RANBP2: variants seen among roughly 807,000 people sequenced by gnomAD.
RANBP2 encodes the protein RAN binding protein 2.
Under a neutral mutation model 303.6 loss-of-function variants are expected in RANBP2, and 57 were observed. That is an observed-to-expected ratio of 0.19 (90% CI 0.15 to 0.23). The LOEUF is 0.23. Among genes scored for constraint, RANBP2 ranks in the 10% least tolerant of loss-of-function variants. The pLI, the probability that RANBP2 is intolerant of heterozygous loss-of-function variation, is 1.00. For missense variants in RANBP2, 3,138 were observed against 3,780.8 expected (o/e 0.83, Z 4.46); for synonymous variants, 1,167 against 1,301.5 (o/e 0.90, Z 2.23).
the RANBP2 span, among the ~76,000 whole-genome samples, chr2:109,125,879 C>T: frequency 1.3e-5 from 2 of 152,260 alleles, no homozygotes; most frequent in African/African-American, 2.4e-5. Flanking sequence ...TTGGCTACTT[C>T]AACCAGAAAT....
chr2:108,912,886 G>T, the RANBP2 span: 1 of 776,914 alleles, frequency 1.3e-6, no homozygotes, highest in South Asian at 1.5e-5. Context: ...ATGGCTGAGG[G>T]GAGCTAAATA....
chr2:109,447,471 A>T, the RANBP2 span, among the ~76,000 whole-genome samples: 8 of 152,216 alleles, frequency 5.3e-5, no homozygotes, highest in Admixed American at 5.2e-4. Context: ...CTCTGAAGCC[A>T]TGAATGCCAC....
the RANBP2 span, chr2:108,791,644 A>G: frequency 1.9e-6 from 3 of 1,595,906 alleles, no homozygotes; most frequent in African/African-American, 1.3e-5. Context: ...GTAAACTTCT[A>G]GATTGCTGTG....
chr2:109,113,161 T>C, the RANBP2 span, among the ~76,000 whole-genome samples: 1 of 152,038 alleles, frequency 6.6e-6, no homozygotes, highest in Non-Finnish European at 1.5e-5. Context: ...TTTTTTCCGA[T>C]TCTGTGAAGA....
chr2:108,905,950 C>T, the RANBP2 span, among the ~76,000 whole-genome samples: 742 of 146,516 alleles, frequency 5.1e-3, 7 homozygotes, highest in South Asian at 0.022. Context: ...TGACTGATCA[C>T]GTTTCCCAGA....
the RANBP2 span, among the ~76,000 whole-genome samples, chr2:109,355,208 C>T: frequency 2.0e-5 from 3 of 152,208 alleles, no homozygotes; most frequent in Non-Finnish European, 4.4e-5. Context: ...GACATGAAAC[C>T]TGTAAACGAA....
rs768014567 is a variant in RANBP2 at position 108,731,430 on chromosome 2, G to A, written c.361G>A (p.Ala121Thr). 2 of 1,611,484 alleles carry A rather than the reference G, an allele frequency of 1.2e-6. No homozygotes were observed. Among genetic ancestry groups the A allele is most frequent in the Admixed American group, 1.7e-5 (1 of 60,010 alleles). The stretch of plus-strand genomic sequence containing the variant: ...AAGAGCAAAATACTGGCTTGAAAGA[G>A]CAGCCAAACTTTTCCCAGGAAGTCC... ...DGRAKYWLER[A>T]AKLFPGSPAI... The change falls in exon 4 of 29, where the codon GCA becomes ACA. Residue 121 changes from alanine (A) to threonine (T), a missense_variant. Transcript: ENST00000283195.
the RANBP2 span, among the ~76,000 whole-genome samples, chr2:109,349,691 CAGG>C: frequency 2.0e-5 from 3 of 152,232 alleles, no homozygotes; most frequent in Non-Finnish European, 4.4e-5. Context: ...AGGGGCCTCA[CAGG>C]AGGAGGCTCT....
At chr2:108,919,653 T>C in the RANBP2 span, among the ~76,000 whole-genome samples, 18,695 of 152,214 alleles carry the variant, frequency 0.12, 1,712 homozygotes, top group African/African-American at 0.26. Context: ...CCACTGCGCC[T>C]GGCCCTGACT....
At chr2:109,514,067 C>T in the RANBP2 span, among the ~76,000 whole-genome samples, 2 of 152,186 alleles carry the variant, frequency 1.3e-5, no homozygotes, top group African/African-American at 2.4e-5. Flanking sequence ...TTAATGTGGG[C>T]ATGTTCCCAC....
chr2:109,707,690 C>T, the RANBP2 span, among the ~76,000 whole-genome samples: 1 of 152,192 alleles, frequency 6.6e-6, no homozygotes, highest in South Asian at 2.1e-4. Flanking sequence ...GGGTCAGCGC[C>T]CATGCCGGGC....
At chr2:108,876,127 G>A in the RANBP2 span, 1 of 1,605,730 alleles carries the variant, frequency 6.2e-7, no homozygotes, top group African/African-American at 1.3e-5. Context: ...CGATTCATCT[G>A]ATGCTTCAAG....
the RANBP2 span, among the ~76,000 whole-genome samples, chr2:108,947,770 G>A: frequency 4.6e-5 from 7 of 152,284 alleles, no homozygotes; most frequent in East Asian, 1.9e-4. Flanking sequence ...CCAGGCCTCC[G>A]GGTCTGTGGT....
the RANBP2 span, among the ~76,000 whole-genome samples, chr2:109,030,370 G>T: frequency 6.6e-6 from 1 of 152,166 alleles, no homozygotes; most frequent in African/African-American, 2.4e-5. Context: ...TGAATTTCAC[G>T]TAAGTAAAGC....
At chr2:109,531,962 G>A in the RANBP2 span, among the ~76,000 whole-genome samples, 1 of 152,240 alleles carries the variant, frequency 6.6e-6, no homozygotes, top group African/African-American at 2.4e-5. Flanking sequence ...TTTTCAGGGT[G>A]ACAGATTCTT....
Position 108,755,260 on chromosome 2 carries a change from G to T in RANBP2, c.2466+1G>T, listed in dbSNP as rs1178109382. The stretch of plus-strand genomic sequence containing the variant: ...TTGCCAACAAGTAGAGGCCATTAAG[G>T]TAAGTCACTTAATTTCTCTAGCTGT... On this transcript the variant is annotated splice_donor_variant, in intron 17 of 28. Transcript: ENST00000283195. LOFTEE classifies it high-confidence loss of function. The T allele has an allele frequency of 6.2e-7, 1 of 1,611,724 alleles. No individual in the cohort carries two copies. Among genetic ancestry groups the T allele is most frequent in the East Asian group, 2.2e-5 (1 of 44,860 alleles).
At chr2:108,720,050 C>G in intron 1 of RANBP2, 1 of 984,848 alleles carries the variant, frequency 1.0e-6, no homozygotes, top group Non-Finnish European at 1.2e-6. Flanking sequence ...CGGCGGGTTT[C>G]TTCCCATCTC....
chr2:108,852,262 T>C, the RANBP2 span, among the ~76,000 whole-genome samples: 1 of 152,182 alleles, frequency 6.6e-6, no homozygotes, highest in African/African-American at 2.4e-5. Context: ...AAGATACAAC[T>C]CTTCTTTATG....
At chr2:109,203,677 T>C in the RANBP2 span, among the ~76,000 whole-genome samples, 2 of 152,130 alleles carry the variant, frequency 1.3e-5, no homozygotes, top group African/African-American at 4.8e-5. Context: ...TGTGTCTCTG[T>C]GCACCCTGCA....
Sources: gnomAD v4.1 joint callset for allele counts (sites outside exome capture counted in the v4.1 genomes callset) on GRCh38, gnomAD v4.1.1 for gene constraint, MANE v1.5 for transcripts, NCBI Gene and HGNC (gene_info 2026-07-23, HGNC 2026-07-21) for gene names.